Variants in GPC5 observed in about 807,000 individuals in gnomAD.
The protein encoded by GPC5 is glypican-5.
Under a neutral mutation model 53.9 loss-of-function variants are expected in GPC5, and 47 were observed. The observed-to-expected ratio is 0.87, with a 90% confidence interval of 0.69 to 1.11. The LOEUF is 1.11. Among genes scored for constraint, GPC5 ranks in the 50% most tolerant of loss-of-function variants. The probability of loss-of-function intolerance (pLI) is 0.00; values close to 1 mark genes in which losing one functional copy is unlikely to be tolerated. For missense variants in GPC5, 748 were observed against 713.1 expected (o/e 1.05, Z -0.56); for synonymous variants, 286 against 263.3 (o/e 1.09, Z -0.84).
intron 7 of GPC5, among the ~76,000 whole-genome samples, chr13:92,801,370 T>C (rs1006865296): frequency 3.3e-5 from 5 of 151,622 alleles, no homozygotes; most frequent in African/African-American, 1.2e-4. Context: ...GCACAGCACA[T>C]TACCCATGTG....
In GPC5 at chr13:92,613,467, T is replaced by A. The variant is rs866918560; in HGVS notation, c.1562-252815T>A. Among the ~76,000 whole-genome samples, 129 of 94,558 alleles carry A rather than the reference T, an allele frequency of 1.4e-3. 1 individual carries two copies. The highest frequency in any genetic ancestry group is 3.5e-3 in the Admixed American group (20 of 5,698). 62.0% of individuals were successfully genotyped at this position (94,558 alleles called of 152,430 possible). ...ATATATATTTATATATAAATATGTATTATATAATTTATATATAAATATGTA... is the reference window on the plus strand; with the variant it reads ...ATATATATTTATATATAAATATGTAATATATAATTTATATATAAATATGTA... On this transcript the variant is annotated intron_variant, in intron 7 of 7. Coordinates refer to ENST00000377067, the MANE Select transcript of GPC5 (RefSeq NM_004466.6).
intron 7 of GPC5, among the ~76,000 whole-genome samples, chr13:92,520,106 A>G (rs1474974696): frequency 1.3e-5 from 2 of 152,184 alleles, no homozygotes; most frequent in Non-Finnish European, 2.9e-5. Flanking sequence ...GAATAGACCA[A>G]TAACAGGCTC....
intron 6 of GPC5, among the ~76,000 whole-genome samples, chr13:92,009,218 CATT>C (rs995326269): frequency 4.2e-5 from 6 of 143,146 alleles, no homozygotes; most frequent in Admixed American, 7.0e-5. Context: ...ATTTGATGCT[CATT>C]ATTTTTTTTT....
chr13:92,117,520 TC>T (rs1448141240), intron 6 of GPC5, among the ~76,000 whole-genome samples: 2 of 152,184 alleles, frequency 1.3e-5, no homozygotes, highest in African/African-American at 4.8e-5. Context: ...TACCAAGAAA[TC>T]CTTGTGGCAT....
intron 2 of GPC5, among the ~76,000 whole-genome samples, chr13:91,687,446 G>A (rs952982349): frequency 6.6e-6 from 1 of 151,876 alleles, no homozygotes; most frequent in African/African-American, 2.4e-5. Context: ...TAAGATTAAC[G>A]GAATGTTAAT....
At chr13:91,409,659 C>CA (rs1282347457) in intron 1 of GPC5, among the ~76,000 whole-genome samples, 1 of 151,258 alleles carries the variant, frequency 6.6e-6, no homozygotes, top group Non-Finnish European at 1.5e-5. Context: ...CTTTTCTTTT[C>CA]TTTTTTTTTG....
chr13:91,939,738 A>G (rs1423153230), intron 6 of GPC5, among the ~76,000 whole-genome samples: 5 of 152,272 alleles, frequency 3.3e-5, no homozygotes, highest in African/African-American at 1.2e-4. Context: ...TAGACCACAT[A>G]TGAGAGGATG....
rs1187301100 is a variant in GPC5 at position 91,742,877 on chromosome 13, A to G, written c.1155-13418A>G. Among the ~76,000 whole-genome samples, 2 of 152,114 alleles carry G rather than the reference A, an allele frequency of 1.3e-5. 1 individual carries two copies. Among genetic ancestry groups the G allele is most frequent in the Middle Eastern group, 6.3e-3 (2 of 316 alleles). On this transcript the variant is annotated intron_variant, in intron 4 of 7. Transcript: ENST00000377067. ...TGTGTGTGGAAATAAATCTCTCCAC[A>G]TTTCTAACTACAGAAAGAATAATAA...
chr13:91,779,760 C>G (rs188098083), intron 5 of GPC5, among the ~76,000 whole-genome samples: 1 of 152,234 alleles, frequency 6.6e-6, no homozygotes, highest in East Asian at 1.9e-4. Flanking sequence ...TGTCTTCTGC[C>G]TCCACATCTT....
At chr13:92,675,921 G>C (rs1050142127) in intron 7 of GPC5, among the ~76,000 whole-genome samples, 5 of 152,128 alleles carry the variant, frequency 3.3e-5, no homozygotes, top group African/African-American at 1.2e-4. Context: ...AACACTTACT[G>C]TATGTATGTG....
intron 7 of GPC5, among the ~76,000 whole-genome samples, chr13:92,385,461 CACAT>C (rs2043792160): frequency 2.8e-5 from 2 of 70,434 alleles, no homozygotes; most frequent in South Asian, 4.5e-4. Context: ...TACATATATA[CACAT>C]ATATACATAT....
intron 7 of GPC5, among the ~76,000 whole-genome samples, chr13:92,499,979 A>G (rs1880120251): frequency 6.6e-6 from 1 of 152,226 alleles, no homozygotes; most frequent in Admixed American, 6.5e-5. Context: ...TGAGGACTCT[A>G]AAAAGTAAAT....
intron 7 of GPC5, among the ~76,000 whole-genome samples, chr13:92,820,354 C>T (rs1377149246): frequency 6.6e-6 from 1 of 152,186 alleles, no homozygotes; most frequent in Non-Finnish European, 1.5e-5. Flanking sequence ...AAATATGTCT[C>T]AAACCTTTCA....
intron 2 of GPC5, among the ~76,000 whole-genome samples, chr13:91,571,775 AC>A (rs2031803169): frequency 8.2e-6 from 1 of 122,130 alleles, no homozygotes; most frequent in Admixed American, 7.9e-5. Flanking sequence ...ATGTGTATAT[AC>A]ACACACATAT....
intron 2 of GPC5, among the ~76,000 whole-genome samples, chr13:91,635,632 A>G (rs1260055611): frequency 6.6e-6 from 1 of 152,066 alleles, no homozygotes; most frequent in African/African-American, 2.4e-5. Context: ...AATTACCTGA[A>G]TGTATTGTAG....
At chr13:91,522,176 T>C (rs1594203991) in intron 2 of GPC5, among the ~76,000 whole-genome samples, 2 of 152,308 alleles carry the variant, frequency 1.3e-5, no homozygotes, top group African/African-American at 4.8e-5. Flanking sequence ...ATGTAAACCT[T>C]TGGCCATTCA....
intron 6 of GPC5, among the ~76,000 whole-genome samples, chr13:91,924,374 A>G (rs1236529899): frequency 6.6e-6 from 1 of 152,148 alleles, no homozygotes; most frequent in Non-Finnish European, 1.5e-5. Context: ...TAGATTTTTC[A>G]TGCTTCTGCA....
At chr13:92,345,429 A>G (rs1323810033) in intron 7 of GPC5, among the ~76,000 whole-genome samples, 1 of 152,138 alleles carries the variant, frequency 6.6e-6, no homozygotes, top group Non-Finnish European at 1.5e-5. Flanking sequence ...ACATCAGCAA[A>G]ATAGAAGAAT....
At chr13:91,835,831 T>C (rs189042548) in intron 5 of GPC5, among the ~76,000 whole-genome samples, 1 of 152,230 alleles carries the variant, frequency 6.6e-6, no homozygotes, top group East Asian at 1.9e-4. Context: ...CGTGTATACC[T>C]ATGTAACAAA....
Sources: allele counts gnomAD v4.1 joint callset (sites outside exome capture counted in the v4.1 genomes callset), GRCh38; gene constraint gnomAD v4.1.1; transcripts MANE v1.5; gene names NCBI Gene and HGNC (gene_info 2026-07-23, HGNC 2026-07-21).